POMT2: variants seen among roughly 807,000 people sequenced by gnomAD.
The protein encoded by POMT2 is protein O-mannosyltransferase 2.
POMT2 carries 75 observed loss-of-function variants against 100.0 expected under a neutral mutation model. The ratio of observed to expected loss-of-function variants is 0.75; its 90% CI spans 0.62 to 0.91. The LOEUF (loss-of-function observed/expected upper bound fraction) is 0.91. POMT2 is among the 40% of genes least tolerant of loss of function. POMT2 has a pLI of 0.00. For synonymous variants in POMT2, 378 were observed against 374.1 expected (o/e 1.01, Z -0.12); for missense variants, 940 against 955.1 (o/e 0.98, Z 0.21).
intron 4 of POMT2, among the ~76,000 whole-genome samples, chr14:77,303,296 C>A (rs1278981615): frequency 1.3e-5 from 2 of 152,152 alleles, no homozygotes. Flanking sequence ...AAACTATCTA[C>A]ACCTATGATA....
At chr14:77,302,190 G>A (rs1301288993) in intron 5 of POMT2, among the ~76,000 whole-genome samples, 1 of 152,130 alleles carries the variant, frequency 6.6e-6, no homozygotes, top group Non-Finnish European at 1.5e-5. Context: ...TAGAATGAAT[G>A]ACTTATTCTA....
At position 77,282,297 on chromosome 14, in the gene POMT2, G is replaced by A. The variant is rs146286269; in HGVS notation, c.1653+1500C>T. ...CCATCACAGGCATATGTACTTGTAA[G>A]TTGTTCTCTATGGCTGAAATCTGGA... On this transcript the variant is annotated intron_variant, in intron 15 of 20. Transcript: ENST00000261534. 1.8e-4 allele frequency among the ~76,000 whole-genome samples: 28 copies of A among 152,300 alleles called. No individual in the cohort carries two copies. In the East Asian group the frequency reaches 5.4e-3, roughly 29 times the overall value.
At chr14:77,284,326 G>A (rs1207264762) in intron 14 of POMT2, 1 of 234,668 alleles carries the variant, frequency 4.3e-6, no homozygotes, top group South Asian at 6.3e-5. Context: ...AGGGCCCCAT[G>A]TGGTTCCTGG....
chr14:77,296,431 C>T (rs987769339), intron 8 of POMT2, 158 bp from the exon 9 acceptor site: 20 of 630,910 alleles, frequency 3.2e-5, no homozygotes, highest in Middle Eastern at 4.1e-4. Context: ...CCCATGGAGC[C>T]GACTCAAGAC....
At chr14:77,278,636 C>G (rs1265610144) in intron 19 of POMT2, 93 bp downstream of exon 19, 2 of 1,554,902 alleles carry the variant, frequency 1.3e-6, no homozygotes, top group Non-Finnish European at 1.8e-6. Context: ...AGTGGCCTCC[C>G]GTCAAGGAGC....
chr14:77,292,115 T>C (rs73311307), intron 9 of POMT2, among the ~76,000 whole-genome samples: 108 of 152,248 alleles, frequency 7.1e-4, no homozygotes, highest in African/African-American at 2.5e-3. Context: ...TGTGGCCAAA[T>C]GAAACGAAAA....
intron 13 of POMT2, 38 bp from the exon 14 acceptor site, chr14:77,285,079 C>T (rs752501926): frequency 8.6e-6 from 13 of 1,519,584 alleles, no homozygotes; most frequent in Middle Eastern, 1.7e-4. Context: ...TCTCAGAAGA[C>T]GTGAAATCCA....
rs187754343 is a variant in POMT2, at chr14:77,320,235, C to T, written c.248+199G>A. On this transcript the variant is annotated intron_variant, in intron 1 of 20. Transcript: ENST00000261534. ...GCTTCCTCAGATACTAAGAATCCCA[C>T]TGCCCCACCACCAGAGCAAAACGAT... 1.5e-4 allele frequency: 129 copies of T among 841,686 alleles called. 1 individual carries two copies. The East Asian group carries it at 3.5e-3, about 23-fold the overall frequency. 52.1% of individuals were successfully genotyped at this position (841,686 alleles called of 1,614,324 possible).
intron 20 of POMT2, 52 bp downstream of exon 20, chr14:77,278,342 A>C (rs1371471691): frequency 1.5e-6 from 2 of 1,357,304 alleles, no homozygotes; most frequent in Non-Finnish European, 2.1e-6. Flanking sequence ...ATCAGGGCTG[A>C]GGCACTGCTG....
intron 11 of POMT2, chr14:77,287,542 CTCTATA>C (rs1566648824): frequency 2.6e-4 from 20 of 76,464 alleles, no homozygotes; most frequent in African/African-American, 9.5e-4. Flanking sequence ...CTCTCTCTCT[CTCTATA>C]TATATATATA....
intron 6 of POMT2, chr14:77,299,777 C>T: frequency 2.0e-6 from 1 of 510,116 alleles, no homozygotes; most frequent in South Asian, 1.9e-5. Flanking sequence ...TCTGCTACCT[C>T]TCCAGGCTCT....
In POMT2 at chr14:77,275,283, T is replaced by G. The variant is rs528818473; in HGVS notation, c.*2093A>C. 6.6e-6 allele frequency: 1 copy of G among 152,244 alleles called. No individual in the cohort carries two copies. The highest frequency in any genetic ancestry group is 1.5e-5 in the Non-Finnish European group (1 of 68,058). The allele number at this position is 152,244 out of a possible 1,614,324, so 9.4% of individuals were successfully genotyped here. A position where few individuals can be genotyped will look rare whatever the true frequency, so the allele number is the denominator to read the frequency against. On this transcript the variant is annotated 3_prime_UTR_variant, in exon 21 of 21. Coordinates refer to ENST00000261534, the MANE Select transcript of POMT2 (RefSeq NM_013382.7). ...GGAGGAACAGAAAGTGGGCAGGGAATTCTCCTTGGCTCCTTAGAAGGCAGT... is the reference window on the plus strand; with the variant it reads ...GGAGGAACAGAAAGTGGGCAGGGAAGTCTCCTTGGCTCCTTAGAAGGCAGT...
At chr14:77,290,080 T>C (rs1192188785) in intron 10 of POMT2, among the ~76,000 whole-genome samples, 1 of 152,196 alleles carries the variant, frequency 6.6e-6, no homozygotes, top group Non-Finnish European at 1.5e-5. Context: ...TTTTATTTCA[T>C]ATGCATTTGG....
At chr14:77,291,256 T>C (rs1350345001) in intron 10 of POMT2, 58 bp downstream of exon 10, 7 of 1,552,512 alleles carry the variant, frequency 4.5e-6, no homozygotes, top group Admixed American at 1.8e-5. Context: ...ATGAGAAATC[T>C]TAAGGAGGGC....
chr14:77,280,211 C>T (rs541505091), intron 16 of POMT2, 131 bp from the exon 17 acceptor site: 73 of 1,571,942 alleles, frequency 4.6e-5, no homozygotes, highest in Non-Finnish European at 5.6e-5. Context: ...AAATTCTACA[C>T]GAGCTCTCTG....
rs119463989 is a variant in POMT2 at position 77,278,849 on chromosome 14, G to A, written c.1912C>T (p.Arg638Ter). ...EVAGLSQVLL[R>*]GGGQVLLGWT... ...CCGAGCAGGACCTGGCCGCCTCCTCGAAGCAGGACCTGGGACAACCCTGGG... is the reference window on the plus strand; with the variant it reads ...CCGAGCAGGACCTGGCCGCCTCCTCAAAGCAGGACCTGGGACAACCCTGGG... The change falls in exon 19 of 21, where the codon CGA becomes TGA. Residue 638 changes from arginine to a stop codon, truncating the protein, a stop_gained. Coordinates refer to ENST00000261534, the MANE Select transcript of POMT2 (RefSeq NM_013382.7). LOFTEE classifies it high-confidence loss of function. The A allele has an allele frequency of 1.1e-5, 18 of 1,613,218 alleles. No individual in the cohort carries two copies. The highest frequency in any genetic ancestry group is 2.2e-5 in the East Asian group (1 of 44,892).
chr14:77,297,361 ATTCTT>A (rs1299169174), intron 8 of POMT2, among the ~76,000 whole-genome samples: 1 of 152,058 alleles, frequency 6.6e-6, no homozygotes, highest in East Asian at 1.9e-4. Flanking sequence ...CCTCAGCTCT[ATTCTT>A]TTCCTCTTTC....
chr14:77,303,314 A>C (rs1201650769), intron 4 of POMT2, among the ~76,000 whole-genome samples: 1 of 152,092 alleles, frequency 6.6e-6, no homozygotes, highest in East Asian at 1.9e-4. Context: ...ATAGAATCTT[A>C]TCATTTTACA....
intron 1 of POMT2, chr14:77,312,666 T>C (rs948426168): frequency 2.6e-5 from 4 of 151,592 alleles, no homozygotes; most frequent in Admixed American, 2.6e-4. Flanking sequence ...AAAAAAAAAG[T>C]TTTCTTCCTA....
Sources: gnomAD v4.1 joint callset for allele counts (sites outside exome capture counted in the v4.1 genomes callset) on GRCh38, gnomAD v4.1.1 for gene constraint, MANE v1.5 for transcripts, NCBI Gene and HGNC (gene_info 2026-07-23, HGNC 2026-07-21) for gene names.